Variants in LZTS2 observed in about 807,000 individuals in gnomAD.
LZTS2 encodes the protein leucine zipper putative tumor suppressor 2.
In LZTS2, 32 loss-of-function variants were observed where a neutral mutation model predicts 60.6. That is an observed-to-expected ratio of 0.53 (90% CI 0.40 to 0.71). The LOEUF (loss-of-function observed/expected upper bound fraction) is 0.71. LZTS2 is among the 30% of genes least tolerant of loss of function. LZTS2 has a pLI of 0.00. For synonymous variants in LZTS2, 360 were observed against 393.1 expected, an observed-to-expected ratio of 0.92 and a Z score of 1.00; for missense variants, 792 against 901.9, an observed-to-expected ratio of 0.88 and a Z score of 1.56.
At chr10:101,002,644 C>T (rs374272030) in exon 1 of LZTS2, 13 of 1,605,766 alleles carry the variant, frequency 8.1e-6, no homozygotes, top group Non-Finnish European at 9.4e-6. Flanking sequence ...TATCTCAGGC[C>T]GGCCCTGTCC....
At chr10:101,007,133 A>G (rs908869475) in exon 4 of LZTS2, 3 of 1,607,212 alleles carry the variant, frequency 1.9e-6, no homozygotes, top group African/African-American at 1.3e-5. Context: ...GGCCCCCTGC[A>G]TCTGCCTGGA....
At chr10:101,003,654 C>T (rs1258486293) in exon 2 of LZTS2, 2 of 1,609,576 alleles carry the variant, frequency 1.2e-6, no homozygotes, top group African/African-American at 1.3e-5. Context: ...GTTTGGGGGC[C>T]CTGCCTCCTC....
At chr10:101,007,073 A>G (rs1328018533) in exon 4 of LZTS2, 1 of 1,608,140 alleles carries the variant, frequency 6.2e-7, no homozygotes, top group East Asian at 2.2e-5. Flanking sequence ...GCAGCAGCTC[A>G]GCCTGGAGCT....
chr10:101,003,856 G>C (rs765324041), exon 2 of LZTS2: 21 of 1,613,116 alleles, frequency 1.3e-5, no homozygotes, highest in Non-Finnish European at 1.7e-5. Context: ...CATGGCTCTG[G>C]GCGAGGGGCA....
chr10:101,006,708 G>A lies in LZTS2; in HGVS notation c.1550G>A (p.Arg517His), dbSNP rs375351190. The A allele has an allele frequency of 1.5e-5, 24 of 1,601,146 alleles. No individual in the cohort carries two copies. The East Asian group carries it at 3.6e-4, about 24-fold the overall frequency. Residue 517 changes from arginine to histidine, a missense_variant, in exon 4 of 4, where the codon CGC becomes CAC. Transcript: ENST00000370220. ...TGTTCCCAGGAGCTGCAGCGACACCGCCAGGAAGCTGAGCAGCTGCGGGAG... is the reference window on the plus strand; with the variant it reads ...TGTTCCCAGGAGCTGCAGCGACACCACCAGGAAGCTGAGCAGCTGCGGGAG...
chr10:100,998,185 T>TC (rs1344332899), upstream of LZTS2, among the ~76,000 whole-genome samples: 1 of 151,374 alleles, frequency 6.6e-6, no homozygotes, highest in African/African-American at 2.4e-5. Flanking sequence ...GACGAGCCCC[T>TC]CCCCCCAGGG....
chr10:101,003,809 G>A (rs1455661608), exon 2 of LZTS2: 2 of 1,613,328 alleles, frequency 1.2e-6, no homozygotes, highest in African/African-American at 2.7e-5. Flanking sequence ...GAGGTGCCGA[G>A]CCAACCACCA....
exon 1 of LZTS2, chr10:101,002,594 C>T (rs1852063369): frequency 1.9e-6 from 3 of 1,551,972 alleles, no homozygotes; most frequent in African/African-American, 2.7e-5. Flanking sequence ...GAAGCTGCCA[C>T]TGCCCCACAA....
chr10:101,005,347 G>A, intron 2 of LZTS2, 111 bp from the exon 4 acceptor site: 3 of 1,243,252 alleles, frequency 2.4e-6, no homozygotes, highest in Non-Finnish European at 3.2e-6. Context: ...TACTATTGTT[G>A]TTTAATGGAA....
exon 1 of LZTS2, chr10:101,002,911 C>T (rs1852076080): frequency 6.2e-7 from 1 of 1,612,812 alleles, no homozygotes; most frequent in Admixed American, 1.7e-5. Context: ...CGGCCCACCA[C>T]CAAAGCTCAT....
At position 101,006,656 on chromosome 10, in the gene LZTS2, C is replaced by T. The variant is rs745414258; in HGVS notation, c.1498C>T (p.Arg500Ter). The T allele has an allele frequency of 3.2e-6, 5 of 1,586,586 alleles. No homozygotes were observed. Among genetic ancestry groups the T allele is most frequent in the Middle Eastern group, 2.1e-4 (1 of 4,802 alleles). The change falls in exon 4 of 4, where the codon CGA becomes TGA. Residue 500 changes from arginine (R) to a stop codon, truncating the protein, a stop_gained. Transcript: ENST00000370220. LOFTEE classifies it high-confidence loss of function. ...TGCGCGGGGTCTACAGGAGGCCGCC[C>T]GAGCTCGGGAGCTGGAGCTGGAAGC...
chr10:101,000,664 T>C (rs2133964083), exon 1 of LZTS2: 1 of 152,564 alleles, frequency 6.6e-6, no homozygotes, highest in Admixed American at 6.5e-5. Context: ...AGTGGGGAAA[T>C]GCAACAGAGG....
intron 1 of LZTS2, 92 bp downstream of exon 2, chr10:101,003,038 T>G: frequency 1.4e-6 from 2 of 1,396,214 alleles, no homozygotes; most frequent in South Asian, 1.4e-5. Flanking sequence ...GGAAAGAGTG[T>G]GGGCTCCAGA....
chr10:101,004,962 T>C (rs1358274741), intron 2 of LZTS2, among the ~76,000 whole-genome samples: 1 of 152,206 alleles, frequency 6.6e-6, no homozygotes, highest in Non-Finnish European at 1.5e-5. Context: ...CCTCCCAAAG[T>C]GCTGGGATTA....
At chr10:101,007,140 TGGA>T (rs1564819795) in exon 4 of LZTS2, 7 of 1,602,714 alleles carry the variant, frequency 4.4e-6, no homozygotes, top group African/African-American at 2.7e-5. Context: ...TGCATCTGCC[TGGA>T]GGAGATCACT....
In LZTS2 at chr10:101,006,936, G is replaced by A. The variant is rs900315360; in HGVS notation, c.1778G>A (p.Arg593Gln). The change falls in exon 4 of 4, where the codon CGG (arginine) becomes CAG (glutamine). Residue 593 changes from arginine (R) to glutamine (Q), a missense_variant. Transcript: ENST00000370220. ...GAGCGGCGGCGGGGTGAGGAGCAGCGGGACAGCTTTGAGGGGGAGCGGCTG... is the reference window on the plus strand; with the variant it reads ...GAGCGGCGGCGGGGTGAGGAGCAGCAGGACAGCTTTGAGGGGGAGCGGCTG... The A allele has an allele frequency of 1.0e-5, 16 of 1,538,980 alleles. No individual in the cohort carries two copies. In the African/African-American group the frequency reaches 1.1e-4, roughly 11 times the overall value.
chr10:101,007,367 AG>A (rs1852245135), exon 4 of LZTS2: 8 of 1,417,546 alleles, frequency 5.6e-6, no homozygotes, highest in Non-Finnish European at 7.3e-6. Context: ...GACCGCTCAA[AG>A]GTCCCCGTGT....
At chr10:101,004,621 T>C (rs1009670686) in intron 2 of LZTS2, among the ~76,000 whole-genome samples, 4 of 152,076 alleles carry the variant, frequency 2.6e-5, no homozygotes, top group African/African-American at 9.7e-5. Flanking sequence ...AAACAAAACT[T>C]GTGGGGTGGA....
chr10:101,006,744 A>G lies in LZTS2; in HGVS notation c.1586A>G (p.Gln529Arg), dbSNP rs376649613. 2.4e-5 allele frequency: 39 copies of G among 1,592,376 alleles called. No homozygotes were observed. Among genetic ancestry groups the G allele is most frequent in the Non-Finnish European group, 3.2e-5 (37 of 1,168,696 alleles). The stretch of plus-strand genomic sequence containing the variant: ...GAGCAGCTGCGGGAGAAAGCTGGGC[A>G]GTTGGATGCTGAGGCGGCCGGACTC... Residue 529 changes from glutamine to arginine, a missense_variant, in exon 4 of 4, where the codon CAG (glutamine) becomes CGG (arginine). By Grantham distance (43) the Gln-to-Arg change is conservative. Coordinates refer to ENST00000370220, the Ensembl canonical transcript of LZTS2.
Sources: allele counts gnomAD v4.1 joint callset (sites outside exome capture counted in the v4.1 genomes callset), GRCh38; gene constraint gnomAD v4.1.1; transcripts MANE v1.5; gene names NCBI Gene and HGNC (gene_info 2026-07-23, HGNC 2026-07-21).